The following JMJD1C variants were observed in gnomAD, a reference collection of about 807,000 sequenced individuals.
The protein encoded by JMJD1C is jumonji domain containing 1C.
JMJD1C carries 31 observed loss-of-function variants against 245.3 expected under a neutral mutation model. The observed-to-expected ratio is 0.13, with a 90% CI of 0.09 to 0.17. The LOEUF is 0.17. JMJD1C is among the 10% of genes least tolerant of loss of function. The probability of loss-of-function intolerance (pLI) is 1.00; values close to 1 mark genes in which losing one functional copy is unlikely to be tolerated. For missense variants in JMJD1C, 2,691 were observed against 3,000.2 expected (o/e 0.90, Z 2.41); for synonymous variants, 1,057 against 1,017.4 (o/e 1.04, Z -0.74).
At chr10:63,264,592 T>C (rs1855296013) in intron 3 of JMJD1C, 59 bp downstream of exon 3, 2 of 758,112 alleles carry the variant, frequency 2.6e-6, no homozygotes, top group Admixed American at 5.0e-5. Flanking sequence ...AAAGAATGTC[T>C]GAATATCAAT....
intron 1 of JMJD1C, among the ~76,000 whole-genome samples, chr10:63,503,665 C>T (rs1426393089): frequency 6.6e-6 from 1 of 152,210 alleles, no homozygotes; most frequent in Non-Finnish European, 1.5e-5. Context: ...CTCACCAGCA[C>T]GAGCTGAAAA....
intron 1 of JMJD1C, among the ~76,000 whole-genome samples, chr10:63,393,740 G>A (rs558619548): frequency 6.6e-6 from 1 of 152,222 alleles, no homozygotes; most frequent in Admixed American, 6.5e-5. Context: ...TGAATAAATG[G>A]AGAAATGTGG....
chr10:63,304,937 C>T (rs962053428), intron 2 of JMJD1C, among the ~76,000 whole-genome samples: 8 of 152,022 alleles, frequency 5.3e-5, no homozygotes, highest in Admixed American at 2.6e-4. Context: ...AATTTGAGAA[C>T]ACTTAGACAG....
chr10:63,320,358 T>C (rs1417527297), intron 2 of JMJD1C, among the ~76,000 whole-genome samples: 13 of 152,206 alleles, frequency 8.5e-5, no homozygotes, highest in African/African-American at 2.9e-4. Context: ...ACTAATGGCA[T>C]CTGTAATCCA....
intron 1 of JMJD1C, among the ~76,000 whole-genome samples, chr10:63,496,486 C>T (rs1954371378): frequency 6.6e-6 from 1 of 152,234 alleles, no homozygotes; most frequent in Non-Finnish European, 1.5e-5. Context: ...CTCTCTTCTT[C>T]TTCCAAAGGT....
intron 2 of JMJD1C, among the ~76,000 whole-genome samples, chr10:63,293,701 G>A (rs1859040673): frequency 6.6e-6 from 1 of 152,004 alleles, no homozygotes; most frequent in African/African-American, 2.4e-5. Flanking sequence ...TCAACACAGA[G>A]GCATTCGTAT....
chr10:63,327,974 T>C (rs2134148594), intron 2 of JMJD1C, among the ~76,000 whole-genome samples: 1 of 152,070 alleles, frequency 6.6e-6, no homozygotes, highest in Middle Eastern at 3.4e-3. Context: ...CCGGCTGAAA[T>C]TTTTTAGAAA....
In JMJD1C at chr10:63,177,487, G is replaced by A. The variant is rs371808397; in HGVS notation, c.7224+230C>T. On this transcript the variant is annotated intron_variant, in intron 23 of 25. Transcript: ENST00000399262. ...CAGTCTTTTATTAACAGGGAATGGA[G>A]GCACACTACCAACTGGGAACAAATC... is the stretch of plus-strand genomic sequence containing the variant. 29 of 507,752 alleles carry A rather than the reference G, an allele frequency of 5.7e-5. No individual in the cohort carries two copies. The East Asian group carries it at 8.1e-4, about 14-fold the overall frequency. The allele number at this position is 507,752 out of a possible 1,614,324, so 31.5% of individuals were successfully genotyped here.
intron 2 of JMJD1C, among the ~76,000 whole-genome samples, chr10:63,317,424 G>T (rs868106587): frequency 3.3e-5 from 5 of 151,982 alleles, no homozygotes; most frequent in African/African-American, 1.2e-4. Context: ...AGAATCACTT[G>T]ACTTATTAAC....
intron 1 of JMJD1C, among the ~76,000 whole-genome samples, chr10:63,518,834 T>A (rs1955110683): frequency 6.6e-6 from 1 of 152,194 alleles, no homozygotes; most frequent in African/African-American, 2.4e-5. Flanking sequence ...CAGTTTCCCC[T>A]TGGAGGGCAA....
At chr10:63,317,540 C>T (rs1304890500) in intron 2 of JMJD1C, among the ~76,000 whole-genome samples, 1 of 152,062 alleles carries the variant, frequency 6.6e-6, no homozygotes, top group Non-Finnish European at 1.5e-5. Context: ...GCCTACTACA[C>T]ACACACACAC....
intron 2 of JMJD1C, among the ~76,000 whole-genome samples, chr10:63,357,911 A>C (rs1408340529): frequency 6.8e-5 from 10 of 146,466 alleles, no homozygotes; most frequent in African/African-American, 2.5e-4. Flanking sequence ...TTTAGTACCC[A>C]AAACAGACTT....
chr10:63,426,073 C>G (rs1950421838), intron 1 of JMJD1C, among the ~76,000 whole-genome samples: 1 of 152,106 alleles, frequency 6.6e-6, no homozygotes. Context: ...GGATGTGACA[C>G]AATGCATTTA....
intron 11 of JMJD1C, among the ~76,000 whole-genome samples, chr10:63,199,864 T>C (rs1845835440): frequency 6.6e-6 from 1 of 152,140 alleles, no homozygotes; most frequent in Non-Finnish European, 1.5e-5. Flanking sequence ...CAATAGAGCA[T>C]TTCATATGCG....
In JMJD1C at chr10:63,519,178, G is replaced by T. The variant is rs79857580; in HGVS notation, n.113+2560C>A. Among the ~76,000 whole-genome samples, 1,518 of 152,292 alleles carry T rather than the reference G, an allele frequency of 1.0e-2. 11 individuals carry two copies. The highest frequency in any genetic ancestry group is 0.031 in the Middle Eastern group (9 of 294). ...AAAAAGTAATCTAAATGTGGAAGAG[G>T]CAGAAGATATAATAAGCATACAAAA... is the stretch of plus-strand genomic sequence containing the variant. On this transcript the variant is annotated intron_variant and non_coding_transcript_variant, in intron 1 of 3. Transcript: ENST00000633035.
intron 1 of JMJD1C, among the ~76,000 whole-genome samples, chr10:63,445,182 C>T (rs779344660): frequency 6.6e-6 from 1 of 152,074 alleles, no homozygotes; most frequent in Non-Finnish European, 1.5e-5. Context: ...ACCACGCCAT[C>T]GTACTCCAAC....
rs760452367 is a variant in JMJD1C, at chr10:63,276,884, CTT to C, written c.334-12122_334-12121del. ...CTATGGAAGGAATAGAAGCTTGGGGCTTTTTTTTTTTTTTTTTTGAGAGAGAG... is the reference window on the plus strand; with the variant it reads ...CTATGGAAGGAATAGAAGCTTGGGGCTTTTTTTTTTTTTTTTGAGAGAGAG... On this transcript the variant is annotated intron_variant, in intron 2 of 25. Transcript: ENST00000399262. 3.1e-5 allele frequency among the ~76,000 whole-genome samples: 3 copies of C among 96,270 alleles called. 1 individual carries two copies. Among genetic ancestry groups the C allele is most frequent in the African/African-American group, 4.3e-5 (1 of 23,358 alleles). The allele number at this position is 96,270 out of a possible 152,430, so 63.2% of individuals were successfully genotyped here. A position where few individuals can be genotyped will look rare whatever the true frequency, so the allele number is the denominator to read the frequency against.
At chr10:63,222,227 G>A (rs1463363041) in intron 3 of JMJD1C, 5 of 776,502 alleles carry the variant, frequency 6.4e-6, no homozygotes, top group African/African-American at 5.1e-5. Flanking sequence ...TTATAGGGGG[G>A]TTCAAAAGCA....
intron 2 of JMJD1C, among the ~76,000 whole-genome samples, chr10:63,322,913 T>C (rs1470077628): frequency 6.6e-6 from 1 of 151,420 alleles, no homozygotes; most frequent in Non-Finnish European, 1.5e-5. Flanking sequence ...TTAATATATA[T>C]TGATGTATAT....
Sources: gnomAD v4.1 joint callset for allele counts (sites outside exome capture counted in the v4.1 genomes callset) on GRCh38, gnomAD v4.1.1 for gene constraint, MANE v1.5 for transcripts, NCBI Gene and HGNC (gene_info 2026-07-23, HGNC 2026-07-21) for gene names.